Variants in METAP1 observed in about 807,000 individuals in gnomAD.
The protein encoded by METAP1 is methionine aminopeptidase 1.
A neutral mutation model predicts 53.8 loss-of-function variants in METAP1; 28 were observed. The observed-to-expected ratio is 0.52, with a 90% CI of 0.39 to 0.71. The LOEUF (loss-of-function observed/expected upper bound fraction) is 0.71, where lower values mean the gene tolerates loss of function less well. Ranked by LOEUF, METAP1 falls within the 30% of genes least tolerant of loss-of-function variation. The pLI, the probability that METAP1 is intolerant of heterozygous loss-of-function variation, is 0.00. For synonymous variants in METAP1, 181 were observed against 165.7 expected (o/e 1.09, Z -0.71); for missense variants, 389 against 479.8 (o/e 0.81, Z 1.77).
chr4:99,048,767 CATT>C lies in METAP1; in HGVS notation c.825_827del (p.Ile276del). The C allele has an allele frequency of 6.2e-7, 1 of 1,613,954 alleles. No homozygotes were observed. The highest frequency in any genetic ancestry group is 8.5e-7 in the Non-Finnish European group (1 of 1,179,860). On this transcript the variant is annotated inframe_deletion, in exon 9 of 11. Transcript: ENST00000296411. ...GTGTTCGGTACAGAGAATTGGGAAA[CATT>C]ATCCAGAAGCATGCCCAAGCAAATG... is the stretch of plus-strand genomic sequence containing the variant.
intron 7 of METAP1, 61 bp downstream of exon 7, chr4:99,043,448 T>G (rs1257377901): frequency 1.1e-5 from 17 of 1,500,884 alleles, no homozygotes; most frequent in Non-Finnish European, 1.4e-5. Flanking sequence ...TTGGGGAATC[T>G]GACAGTGACT....
At chr4:99,042,417 G>C (rs1393138041) in intron 6 of METAP1, among the ~76,000 whole-genome samples, 3 of 152,018 alleles carry the variant, frequency 2.0e-5, no homozygotes, top group Non-Finnish European at 4.4e-5. Flanking sequence ...CTGAAGACTA[G>C]AGCAGGTTGG....
chr4:99,046,564 G>A (rs1726250938), intron 8 of METAP1, among the ~76,000 whole-genome samples: 1 of 152,124 alleles, frequency 6.6e-6, no homozygotes, highest in Non-Finnish European at 1.5e-5. Context: ...TCCAAATCTT[G>A]ATGTCATCAA....
intron 4 of METAP1, among the ~76,000 whole-genome samples, chr4:99,038,744 G>T (rs945541270): frequency 6.6e-6 from 1 of 151,960 alleles, no homozygotes; most frequent in South Asian, 2.1e-4. Flanking sequence ...AAACTTTTTT[G>T]AGTATGACTC....
intron 1 of METAP1, chr4:99,026,245 G>A (rs1579279128): frequency 1.0e-6 from 1 of 985,222 alleles, no homozygotes. Flanking sequence ...AAAGAAAAAA[G>A]CATGTTGTCT....
chr4:99,000,842 C>A (rs1560689414), intron 1 of METAP1, among the ~76,000 whole-genome samples: 1 of 151,844 alleles, frequency 6.6e-6, no homozygotes, highest in East Asian at 1.9e-4. Flanking sequence ...TAGCTGGGAA[C>A]ACCAGTTTGA....
Position 99,045,225 on chromosome 4 carries a change from G to C in METAP1, c.702G>C (p.Glu234Asp). Reference protein sequence around the residue: ...YRNGYHGDLNETFFVGEVDDG... With the variant: ...YRNGYHGDLNDTFFVGEVDDG... ...ATGGTTATCATGGGGACCTGAATGA[G>C]ACATTTTTTGTTGGAGAAGTGGATG... Residue 234 changes from glutamate to aspartate, a missense_variant, in exon 8 of 11, where the codon GAG becomes GAC. Transcript: ENST00000296411. 2 of 1,613,760 alleles carry C rather than the reference G, an allele frequency of 1.2e-6. No individual in the cohort carries two copies. The highest frequency in any genetic ancestry group is 1.7e-6 in the Non-Finnish European group (2 of 1,179,758).
intron 2 of METAP1, among the ~76,000 whole-genome samples, chr4:99,031,100 A>AGT (rs1560714144): frequency 9.7e-6 from 1 of 103,264 alleles, no homozygotes; most frequent in East Asian, 4.9e-4. Context: ...ACTCAAAGGT[A>AGT]GTTTTTTTTT....
intron 1 of METAP1, among the ~76,000 whole-genome samples, chr4:99,014,591 C>A (rs1210674510): frequency 6.6e-6 from 1 of 152,208 alleles, no homozygotes; most frequent in Non-Finnish European, 1.5e-5. Context: ...ACCCCCCTTG[C>A]AACACCTGTC....
At chr4:99,028,189 C>T (rs965057225) in intron 1 of METAP1, among the ~76,000 whole-genome samples, 3 of 152,168 alleles carry the variant, frequency 2.0e-5, no homozygotes, top group Non-Finnish European at 4.4e-5. Context: ...GAGTTCCTTA[C>T]TTGAATTCAA....
chr4:99,009,637 T>C (rs1723373626), intron 1 of METAP1, among the ~76,000 whole-genome samples: 1 of 152,218 alleles, frequency 6.6e-6, no homozygotes, highest in Non-Finnish European at 1.5e-5. Context: ...TTGAGCACGT[T>C]TCATATGCCT....
Position 99,028,852 on chromosome 4 carries a change from T to C in METAP1, c.115-15T>C, listed in dbSNP as rs1724777820. ...AGGAAGGCCTGACACTAATTTTCCT[T>C]TTTTGTTCTTTTAGGAATGTTTTAA... is the stretch of plus-strand genomic sequence containing the variant. On this transcript the variant is annotated splice_polypyrimidine_tract_variant and intron_variant, in intron 1 of 10. Transcript: ENST00000296411. 2 of 1,528,774 alleles carry C rather than the reference T, an allele frequency of 1.3e-6. No individual in the cohort carries two copies. Among genetic ancestry groups the C allele is most frequent in the Non-Finnish European group, 8.8e-7 (1 of 1,131,534 alleles). The allele number at this position is 1,528,774 out of a possible 1,614,324, so 94.7% of individuals were successfully genotyped here. A position where few individuals can be genotyped will look rare whatever the true frequency, so the allele number is the denominator to read the frequency against.
chr4:99,031,107 T>G (rs1380345447), intron 2 of METAP1, among the ~76,000 whole-genome samples: 1 of 149,052 alleles, frequency 6.7e-6, no homozygotes, highest in Non-Finnish European at 1.5e-5. Flanking sequence ...GGTAGTTTTT[T>G]TTTTTTTTTT....
intron 1 of METAP1, among the ~76,000 whole-genome samples, chr4:98,996,637 T>C (rs1722647300): frequency 6.6e-6 from 1 of 152,230 alleles, no homozygotes. Flanking sequence ...GCGTGAATGC[T>C]GTAGTGTATT....
In METAP1 at chr4:99,035,330, T is replaced by C. The variant is rs554408284; in HGVS notation, c.280-70T>C. The C allele has an allele frequency of 3.3e-4, 364 of 1,099,998 alleles. 3 individuals are homozygous for C. The African/African-American group carries it at 4.8e-3, about 15-fold the overall frequency. 68.1% of individuals were successfully genotyped at this position (1,099,998 alleles called of 1,614,324 possible). ...TTTAAAACTTCTAAAAACTTTTGAA[T>C]GGACTTCTTTCTCCCCTCGTTTTAT... On this transcript the variant is annotated intron_variant, in intron 3 of 10. Coordinates refer to ENST00000296411, the MANE Select transcript of METAP1 (RefSeq NM_015143.3).
At chr4:99,001,745 G>A (rs528891015) in intron 1 of METAP1, among the ~76,000 whole-genome samples, 27 of 152,024 alleles carry the variant, frequency 1.8e-4, no homozygotes, top group Non-Finnish European at 3.2e-4. Flanking sequence ...GACTTACTCA[G>A]GAACGTATAA....
chr4:99,001,166 A>G (rs1192884675), intron 1 of METAP1, among the ~76,000 whole-genome samples: 2 of 152,218 alleles, frequency 1.3e-5, no homozygotes, highest in African/African-American at 2.4e-5. Context: ...TCTTCATTAA[A>G]GGAGATATTA....
At chr4:99,035,772 CAA>C (rs1343563996) in intron 4 of METAP1, among the ~76,000 whole-genome samples, 1 of 151,966 alleles carries the variant, frequency 6.6e-6, no homozygotes, top group Admixed American at 6.6e-5. Flanking sequence ...CTAAATTAAA[CAA>C]TATCTATTTA....
intron 1 of METAP1, among the ~76,000 whole-genome samples, chr4:98,998,728 C>T (rs1722766160): frequency 6.6e-6 from 1 of 152,106 alleles, no homozygotes; most frequent in Admixed American, 6.6e-5. Context: ...TAAGGCATTC[C>T]CAGTTACTCT....
Sources: allele counts gnomAD v4.1 joint callset (sites outside exome capture counted in the v4.1 genomes callset), GRCh38; gene constraint gnomAD v4.1.1; transcripts MANE v1.5; gene names NCBI Gene and HGNC (gene_info 2026-07-23, HGNC 2026-07-21).